The following LPP variants were observed in gnomAD, a reference collection of about 807,000 sequenced individuals.
LPP encodes the protein lipoma-preferred partner.
In LPP, 38 loss-of-function variants were observed where a neutral mutation model predicts 60.4. That is an observed-to-expected ratio of 0.63 (90% CI 0.49 to 0.83). The LOEUF (loss-of-function observed/expected upper bound fraction) is 0.83, where lower values mean the gene tolerates loss of function less well. Ranked by LOEUF, LPP falls within the 40% of genes least tolerant of loss-of-function variation. The pLI is 0.00. For synonymous variants in LPP, 328 were observed against 290.8 expected (o/e 1.13, Z -1.30); for missense variants, 902 against 783.6 (o/e 1.15, Z -1.80).
chr3:188,842,839 A>G (rs1407783286), intron 9 of LPP, among the ~76,000 whole-genome samples: 1 of 152,166 alleles, frequency 6.6e-6, no homozygotes, highest in East Asian at 1.9e-4. Flanking sequence ...TGTATATATT[A>G]CCCAAGAAAG....
At chr3:188,760,801 T>C (rs961213926) in intron 9 of LPP, among the ~76,000 whole-genome samples, 1 of 152,204 alleles carries the variant, frequency 6.6e-6, no homozygotes, top group Admixed American at 6.5e-5. Flanking sequence ...AACAGGTTTT[T>C]AATGATGCAA....
intron 2 of LPP, among the ~76,000 whole-genome samples, chr3:188,268,951 G>C (rs891294331): frequency 6.6e-6 from 1 of 152,122 alleles, no homozygotes; most frequent in African/African-American, 2.4e-5. Flanking sequence ...TAGAAATATA[G>C]AGAAGATAAA....
At chr3:188,258,628 C>T (rs1732499641) in intron 2 of LPP, among the ~76,000 whole-genome samples, 1 of 152,180 alleles carries the variant, frequency 6.6e-6, no homozygotes, top group African/African-American at 2.4e-5. Flanking sequence ...TGTCAGCCCT[C>T]ACCTTCCAGA....
At chr3:188,235,380 A>T (rs1205594016) in intron 2 of LPP, among the ~76,000 whole-genome samples, 2 of 152,180 alleles carry the variant, frequency 1.3e-5, no homozygotes, top group Non-Finnish European at 1.5e-5. Context: ...GTCGAAGTTC[A>T]CAATCACTGC....
chr3:188,227,395 T>A (rs2149335017), intron 2 of LPP, among the ~76,000 whole-genome samples: 1 of 137,448 alleles, frequency 7.3e-6, no homozygotes, highest in South Asian at 2.4e-4. Context: ...TGTCCATGTG[T>A]TCTCATTGTT....
intron 8 of LPP, among the ~76,000 whole-genome samples, chr3:188,757,889 G>GTTTTTTGGT (rs1553833771): frequency 8.9e-5 from 7 of 78,740 alleles, no homozygotes; most frequent in Non-Finnish European, 1.6e-4. Flanking sequence ...TGTTTTTTTG[G>GTTTTTTGGT]TTTTTTTTTT....
At chr3:188,581,716 C>T (rs1181995748) in intron 6 of LPP, among the ~76,000 whole-genome samples, 1 of 152,082 alleles carries the variant, frequency 6.6e-6, no homozygotes, top group Non-Finnish European at 1.5e-5. Flanking sequence ...ATCATTGCTT[C>T]GCTCTATTTT....
At chr3:188,421,948 A>T (rs1201705360) in intron 4 of LPP, among the ~76,000 whole-genome samples, 2 of 152,114 alleles carry the variant, frequency 1.3e-5, no homozygotes. Flanking sequence ...TTATTGTGAT[A>T]ATTGTTTGTG....
intron 9 of LPP, among the ~76,000 whole-genome samples, chr3:188,765,606 G>A (rs1655463540): frequency 6.6e-6 from 1 of 152,094 alleles, no homozygotes. Context: ...TGGCTCGGAT[G>A]TTTTCAAAGT....
chr3:188,339,678 C>T (rs2150630372), intron 2 of LPP, among the ~76,000 whole-genome samples: 1 of 152,184 alleles, frequency 6.6e-6, no homozygotes, highest in Non-Finnish European at 1.5e-5. Flanking sequence ...GGAAATTGCC[C>T]CCATGATCGG....
chr3:188,843,650 A>G (rs1385780443), intron 9 of LPP, among the ~76,000 whole-genome samples: 4 of 150,786 alleles, frequency 2.7e-5, no homozygotes, highest in Non-Finnish European at 4.4e-5. Context: ...AGCCGGGCGC[A>G]GTGGGGGGCG....
intron 1 of LPP, among the ~76,000 whole-genome samples, chr3:188,203,566 AATATATATTTAAAT>A (rs1732159179): frequency 1.0e-5 from 1 of 97,198 alleles, no homozygotes; most frequent in African/African-American, 4.2e-5. Flanking sequence ...AATATATATA[AATATATATTTAAAT>A]ATATATATAT....
At chr3:188,837,336 G>A (rs979214105) in intron 9 of LPP, among the ~76,000 whole-genome samples, 10 of 151,080 alleles carry the variant, frequency 6.6e-5, no homozygotes, top group African/African-American at 1.5e-4. Context: ...CTGAGATTGC[G>A]CCACTGGACT....
rs1225520944 is a variant in LPP at position 188,880,877 on chromosome 3, G to T, written c.*6398G>T. On this transcript the variant is annotated 3_prime_UTR_variant, in exon 12 of 12. Transcript: ENST00000617246. ...ACGAATGCTATTCCCAAATAAAATA[G>T]AATCATGCTTTGGGAGGCCAAGGCG... 1 of 173,458 alleles carries T rather than the reference G, an allele frequency of 5.8e-6. No homozygotes were observed. Among genetic ancestry groups the T allele is most frequent in the African/African-American group, 2.4e-5 (1 of 41,880 alleles). The allele number at this position is 173,458 out of a possible 1,614,324, so 10.7% of individuals were successfully genotyped here.
At chr3:188,431,076 T>G (rs568937904) in intron 4 of LPP, among the ~76,000 whole-genome samples, 14 of 152,286 alleles carry the variant, frequency 9.2e-5, no homozygotes, top group African/African-American at 3.4e-4. Context: ...CAGTTTTCTC[T>G]ATATTGAATA....
At chr3:188,294,388 A>G (rs376611163) in intron 2 of LPP, among the ~76,000 whole-genome samples, 8 of 152,318 alleles carry the variant, frequency 5.3e-5, no homozygotes, top group African/African-American at 1.9e-4. Context: ...CCTTTAATCT[A>G]TTCTCTGAGG....
chr3:188,539,412 T>C (rs552709601), intron 6 of LPP, among the ~76,000 whole-genome samples: 1 of 152,238 alleles, frequency 6.6e-6, no homozygotes, highest in Admixed American at 6.5e-5. Flanking sequence ...ATAGGGAGTA[T>C]TTGCAAGAAG....
At chr3:188,293,665 TG>T (rs1215873912) in intron 2 of LPP, among the ~76,000 whole-genome samples, 1 of 152,100 alleles carries the variant, frequency 6.6e-6, no homozygotes, top group Non-Finnish European at 1.5e-5. Context: ...AAAAGCAAAA[TG>T]TGGCATAAAA....
At chr3:188,409,481 A>G (rs1784412423) in intron 4 of LPP, among the ~76,000 whole-genome samples, 1 of 152,220 alleles carries the variant, frequency 6.6e-6, no homozygotes, top group Non-Finnish European at 1.5e-5. Context: ...TTATCAGTGC[A>G]TTCTGTTACT....
Sources: allele counts gnomAD v4.1 joint callset (sites outside exome capture counted in the v4.1 genomes callset), GRCh38; gene constraint gnomAD v4.1.1; transcripts MANE v1.5; gene names NCBI Gene and HGNC (gene_info 2026-07-23, HGNC 2026-07-21).